Variants in ZP3 observed in about 807,000 individuals in gnomAD.
The protein encoded by ZP3 is zona pellucida glycoprotein 3.
ZP3 carries 21 observed loss-of-function variants against 35.6 expected under a neutral mutation model. The ratio of observed to expected loss-of-function variants is 0.59; its 90% CI spans 0.42 to 0.85. The LOEUF (loss-of-function observed/expected upper bound fraction) is 0.85. Ranked by LOEUF, ZP3 falls within the 40% of genes least tolerant of loss-of-function variation. The pLI is 0.00. For synonymous variants in ZP3, 207 were observed against 214.5 expected (o/e 0.96, Z 0.31); for missense variants, 437 against 536.5 (o/e 0.81, Z 1.83).
intron 1 of ZP3, among the ~76,000 whole-genome samples, chr7:76,407,231 A>C (rs548341918): frequency 1.3e-5 from 2 of 152,278 alleles, no homozygotes; most frequent in East Asian, 3.9e-4. Context: ...AAAGTGCTGG[A>C]ATTACAGGTG....
rs1339655691 is a variant in ZP3 at position 76,400,249 on chromosome 7, G to A, written c.-67+2452G>A. ...GCCTACAGCCCTGCTGCCTGCCACA[G>A]TCTGTCTGTCCCTCCAGGTCCCAGG... is the stretch of plus-strand genomic sequence containing the variant. On this transcript the variant is annotated intron_variant, in intron 1 of 8. Coordinates refer to the ZP3 transcript ENST00000336517. 4 of 1,431,638 alleles carry A rather than the reference G, an allele frequency of 2.8e-6. No individual in the cohort carries two copies. The South Asian group carries it at 6.4e-5, about 23-fold the overall frequency. The allele number at this position is 1,431,638 out of a possible 1,614,324, so 88.7% of individuals were successfully genotyped here.
At chr7:76,429,432 GCCCTCCCTGAGC>G (rs1805764865) in intron 1 of ZP3, 71 bp from the exon 2 acceptor site, 1 of 1,322,972 alleles carries the variant, frequency 7.6e-7, no homozygotes, top group Non-Finnish European at 1.1e-6. Context: ...CTTGTGGGCT[GCCCTCCCTGAGC>G]ACTCAGGTAT....
chr7:76,427,607 C>T (rs572203825), intron 1 of ZP3, among the ~76,000 whole-genome samples: 101 of 152,122 alleles, frequency 6.6e-4, no homozygotes, highest in South Asian at 2.1e-3. Context: ...ATGGAATGCC[C>T]TCTTGCCCTG....
chr7:76,398,829 T>C, intron 1 of ZP3: 3 of 1,607,582 alleles, frequency 1.9e-6, no homozygotes, highest in Non-Finnish European at 2.6e-6. Context: ...TACAGGGGTC[T>C]TTCTGTTCTC....
intron 1 of ZP3, among the ~76,000 whole-genome samples, chr7:76,427,717 C>G (rs1296842597): frequency 6.6e-6 from 1 of 152,110 alleles, no homozygotes; most frequent in African/African-American, 2.4e-5. Flanking sequence ...CCCTGAAGAT[C>G]GAGTTTGGTC....
At chr7:76,398,790 C>T (rs1584024263) in intron 1 of ZP3, 1 of 1,612,604 alleles carries the variant, frequency 6.2e-7, no homozygotes, top group East Asian at 2.2e-5. Flanking sequence ...GCTGCGTTGG[C>T]AAGAATTCTG....
At chr7:76,415,379 A>AAAAAAAG (rs1271909277) in intron 1 of ZP3, among the ~76,000 whole-genome samples, 14 of 149,988 alleles carry the variant, frequency 9.3e-5, no homozygotes, top group South Asian at 4.2e-4. Context: ...AAAAAAAAAA[A>AAAAAAAG]GGTCTGGAAT....
In ZP3 at chr7:76,419,707, T is replaced by TCCTC. The variant is rs1240773285; in HGVS notation, c.-66-5336_-66-5333dup. On this transcript the variant is annotated intron_variant, in intron 1 of 8. Transcript: ENST00000336517. ...TCTCTTTCTCTCTCTCTCCCTTCCT[T>TCCTC]CCTCCCTCCCTCTCCCTCTATCTCT... 2.1e-5 allele frequency among the ~76,000 whole-genome samples: 3 copies of TCCTC among 146,034 alleles called. No homozygotes were observed. The East Asian group carries it at 6.1e-4, about 30-fold the overall frequency.
At chr7:76,404,862 G>A (rs1804949469) in intron 1 of ZP3, among the ~76,000 whole-genome samples, 1 of 151,818 alleles carries the variant, frequency 6.6e-6, no homozygotes, top group South Asian at 2.1e-4. Flanking sequence ...TTGAGGTCAG[G>A]AGTTCGAGAC....
At chr7:76,433,082 A>T (rs1428371059) in intron 3 of ZP3, 52 bp downstream of exon 3, 14 of 1,375,418 alleles carry the variant, frequency 1.0e-5, no homozygotes, top group Non-Finnish European at 1.4e-5. Context: ...GGGCCATCTC[A>T]GACCCCTGCC....
intron 1 of ZP3, chr7:76,400,350 G>T (rs150236892): frequency 2.0e-6 from 3 of 1,536,712 alleles, no homozygotes; most frequent in Non-Finnish European, 2.6e-6. Flanking sequence ...CGCGGCTGCC[G>T]CACTCGCTCA....
exon 1 of ZP3, chr7:76,397,638 G>C (rs1219711933): frequency 1.9e-6 from 3 of 1,613,712 alleles, no homozygotes; most frequent in Non-Finnish European, 2.5e-6. Flanking sequence ...AGCAGGATGT[G>C]TCCGGTGCCA....
In ZP3 at chr7:76,439,139, A is replaced by AC. The variant is rs1401261203; in HGVS notation, c.832-1111_832-1110insC. 1.6e-4 allele frequency among the ~76,000 whole-genome samples: 22 copies of AC among 139,666 alleles called. No homozygotes were observed. In the East Asian group the frequency reaches 3.5e-3, roughly 22 times the overall value. 91.6% of individuals were successfully genotyped at this position (139,666 alleles called of 152,430 possible). A position where few individuals can be genotyped will look rare whatever the true frequency, so the allele number is the denominator to read the frequency against. On this transcript the variant is annotated intron_variant, in intron 5 of 7. Transcript: ENST00000394857. Reference sequence around the variant, plus strand: ...ACAGCAAGACTCCACCTCAAAAAAAAAAAAAAAAAAAACCTCTTAAGTCTG... The same window carrying AC: ...ACAGCAAGACTCCACCTCAAAAAAAACAAAAAAAAAAAACCTCTTAAGTCTG...
chr7:76,434,637 C>CAAA (rs3972767), intron 5 of ZP3, among the ~76,000 whole-genome samples: 6 of 97,554 alleles, frequency 6.2e-5, no homozygotes, highest in African/African-American at 1.7e-4. Context: ...ACTCCATCTC[C>CAAA]AAAAAAAAAA....
At chr7:76,438,901 A>G (rs1472263485) in intron 5 of ZP3, among the ~76,000 whole-genome samples, 2 of 120,224 alleles carry the variant, frequency 1.7e-5, no homozygotes, top group African/African-American at 6.3e-5. Context: ...TGGGAGGCCA[A>G]GGCAGGTGGA....
At chr7:76,426,894 AC>A (rs1805676720) in intron 1 of ZP3, among the ~76,000 whole-genome samples, 2 of 137,130 alleles carry the variant, frequency 1.5e-5, no homozygotes, top group African/African-American at 2.8e-5. Flanking sequence ...ACACACACAC[AC>A]ACACACACAC....
At chr7:76,436,295 C>T (rs1437709719) in intron 5 of ZP3, among the ~76,000 whole-genome samples, 1 of 152,120 alleles carries the variant, frequency 6.6e-6, no homozygotes, top group Non-Finnish European at 1.5e-5. Context: ...GATCCACCTG[C>T]CTTGGCCTCC....
At chr7:76,423,007 A>AAGAGAGAGAGAGAGAGAGAG (rs747350112), upstream of ZP3, among the ~76,000 whole-genome samples, 4 of 76,116 alleles carry the variant, frequency 5.3e-5, no homozygotes, top group African/African-American at 2.3e-4. Flanking sequence ...AAAAGAAAGA[A>AAGAGAGAGAGAGAGAGAGAG]AGAGAGAGAG....
chr7:76,428,152 C>T (rs1563698534), intron 1 of ZP3, among the ~76,000 whole-genome samples: 1 of 141,162 alleles, frequency 7.1e-6, no homozygotes, highest in Non-Finnish European at 1.5e-5. Context: ...ATGGCGAAAC[C>T]CTGTCTCTAT....
Sources: allele counts gnomAD v4.1 joint callset (sites outside exome capture counted in the v4.1 genomes callset), GRCh38; gene constraint gnomAD v4.1.1; transcripts MANE v1.5; gene names NCBI Gene and HGNC (gene_info 2026-07-23, HGNC 2026-07-21).